The following STIM1 variants were observed in gnomAD, a reference collection of about 807,000 sequenced individuals.
STIM1 encodes stromal interaction molecule 1.
STIM1 carries 25 observed loss-of-function variants against 74.7 expected under a neutral mutation model. The ratio of observed to expected loss-of-function variants is 0.33; its 90% CI spans 0.24 to 0.47. The LOEUF (loss-of-function observed/expected upper bound fraction) is 0.47. Among genes scored for constraint, STIM1 ranks in the 20% least tolerant of loss-of-function variants. The pLI is 1.00. For synonymous variants in STIM1, 328 were observed against 348.8 expected (o/e 0.94, Z 0.66); for missense variants, 728 against 920.8 (o/e 0.79, Z 2.71).
intron 2 of STIM1, among the ~76,000 whole-genome samples, chr11:3,984,994 G>A (rs551416749): frequency 7.9e-5 from 12 of 152,264 alleles, no homozygotes; most frequent in South Asian, 4.1e-4. Flanking sequence ...CAGCCAGCAC[G>A]CAGGCAAGGG....
In STIM1 at chr11:3,857,382, C is replaced by T. The variant is rs1171109915; in HGVS notation, c.139+973C>T. ...TCCTCCTGCCTCAGCCTCCCGGTAGCTGGGACTAAACACAAGAGCCACTGG... is the reference window on the plus strand; with the variant it reads ...TCCTCCTGCCTCAGCCTCCCGGTAGTTGGGACTAAACACAAGAGCCACTGG... On this transcript the variant is annotated intron_variant, in intron 1 of 12. Coordinates refer to ENST00000526596, the MANE Select transcript of STIM1 (RefSeq NM_001382567.1). Among the ~76,000 whole-genome samples the T allele has an allele frequency of 3.3e-5, 5 of 151,980 alleles. No individual in the cohort carries two copies. In the East Asian group the frequency reaches 5.8e-4, roughly 18 times the overall value.
intron 1 of STIM1, among the ~76,000 whole-genome samples, chr11:3,956,962 T>A (rs112290189): frequency 6.6e-6 from 1 of 151,948 alleles, no homozygotes; most frequent in African/African-American, 2.4e-5. Flanking sequence ...TACGAGTCCC[T>A]TGGGATACTG....
chr11:3,967,929 A>T (rs2093355217), intron 2 of STIM1, among the ~76,000 whole-genome samples: 1 of 152,142 alleles, frequency 6.6e-6, no homozygotes, highest in African/African-American at 2.4e-5. Flanking sequence ...TAGTTGTGTA[A>T]CACTGACTAA....
chr11:4,081,183 C>T (rs1283080297), intron 7 of STIM1, among the ~76,000 whole-genome samples: 1 of 152,188 alleles, frequency 6.6e-6, no homozygotes, highest in Non-Finnish European at 1.5e-5. Context: ...AGACTGCTTT[C>T]AATGCATCTT....
intron 1 of STIM1, among the ~76,000 whole-genome samples, chr11:3,956,823 CAAAAAAAAAAAAAAAAAA>C (rs78285130): frequency 2.6e-5 from 1 of 38,152 alleles, no homozygotes; most frequent in Non-Finnish European, 5.5e-5. Context: ...ACCCTGTCTC[CAAAAAAAAAAAAAAAAAA>C]AAAAAAAAAA....
At position 4,072,246 on chromosome 11, in the gene STIM1, A is replaced by C. The variant is rs368614256; in HGVS notation, c.791+2043A>C. 4.6e-5 allele frequency among the ~76,000 whole-genome samples: 7 copies of C among 152,276 alleles called. No homozygotes were observed. The East Asian group carries it at 1.2e-3, about 25-fold the overall frequency. On this transcript the variant is annotated intron_variant, in intron 6 of 12. Coordinates refer to ENST00000526596, the MANE Select transcript of STIM1 (RefSeq NM_001382567.1). Reference sequence around the variant, plus strand: ...CCTAGAGATAGGCTTGCACACATGCACACATATATCCTCCTCTGAGTGTCC... The same window carrying C: ...CCTAGAGATAGGCTTGCACACATGCCCACATATATCCTCCTCTGAGTGTCC...
intron 1 of STIM1, among the ~76,000 whole-genome samples, chr11:3,905,653 T>C (rs1471282861): frequency 2.0e-5 from 3 of 152,358 alleles, no homozygotes; most frequent in South Asian, 2.1e-4. Context: ...ACATCTCTGA[T>C]GCTCACCACA....
At chr11:3,895,647 T>G (rs992547766) in intron 1 of STIM1, among the ~76,000 whole-genome samples, 1 of 9,978 alleles carries the variant, frequency 1.0e-4, no homozygotes, top group African/African-American at 2.6e-4. Flanking sequence ...TCTTTCTTTC[T>G]TTCTTTCTTT....
chr11:4,080,454 C>T (rs2094459191), intron 7 of STIM1, among the ~76,000 whole-genome samples: 1 of 147,332 alleles, frequency 6.8e-6, no homozygotes, highest in East Asian at 2.0e-4. Context: ...TTATTTCTCT[C>T]TTTAACCAAA....
At chr11:3,911,437 G>A (rs57599213) in intron 1 of STIM1, among the ~76,000 whole-genome samples, 1,920 of 152,142 alleles carry the variant, frequency 0.013, 37 homozygotes, top group African/African-American at 0.044. Context: ...TTTTGAGACA[G>A]GGTCTCACTC....
chr11:4,003,757 G>T (rs1308370607), intron 2 of STIM1, among the ~76,000 whole-genome samples: 1 of 152,192 alleles, frequency 6.6e-6, no homozygotes, highest in Non-Finnish European at 1.5e-5. Context: ...GCAGAAGAAA[G>T]AAATAAAGGG....
chr11:3,941,673 T>TATAGAGAGAGAGAGAGAGAG (rs141623520), intron 1 of STIM1, among the ~76,000 whole-genome samples: 1 of 90,730 alleles, frequency 1.1e-5, no homozygotes, highest in Non-Finnish European at 2.3e-5. Flanking sequence ...TATATATATA[T>TATAGAGAGAGAGAGAGAGAG]AGAGAGAGAG....
At chr11:4,048,242 C>T (rs1472662096) in intron 3 of STIM1, among the ~76,000 whole-genome samples, 3 of 152,190 alleles carry the variant, frequency 2.0e-5, no homozygotes, top group Non-Finnish European at 4.4e-5. Context: ...GGTTTTCAAA[C>T]TTGAAGAATG....
intron 1 of STIM1, among the ~76,000 whole-genome samples, chr11:3,884,707 G>C (rs2091638540): frequency 6.6e-6 from 1 of 151,948 alleles, no homozygotes; most frequent in Admixed American, 6.6e-5. Context: ...CAAGAAGCTT[G>C]GGAGGTGGAG....
chr11:3,957,351 G>A (rs2135697013), intron 1 of STIM1, among the ~76,000 whole-genome samples: 1 of 151,982 alleles, frequency 6.6e-6, no homozygotes, highest in African/African-American at 2.4e-5. Flanking sequence ...CTGCCTCCTG[G>A]TTTCAAGCCG....
chr11:4,081,668 A>G lies in STIM1; in HGVS notation c.970-516A>G, dbSNP rs147160068. Among the ~76,000 whole-genome samples the G allele has an allele frequency of 2.5e-3, 377 of 152,314 alleles. 1 individual carries two copies. Among genetic ancestry groups the G allele is most frequent in the African/African-American group, 8.1e-3 (338 of 41,562 alleles). On this transcript the variant is annotated intron_variant, in intron 7 of 12. Transcript: ENST00000526596. ...CCCTTCACTGATAGTTTGGATTTGCATGGGAGAAAGTCCTTCCTCACACTG... is the reference window on the plus strand; with the variant it reads ...CCCTTCACTGATAGTTTGGATTTGCGTGGGAGAAAGTCCTTCCTCACACTG...
intron 1 of STIM1, among the ~76,000 whole-genome samples, chr11:3,883,022 T>TG (rs2091574911): frequency 6.6e-6 from 1 of 152,220 alleles, no homozygotes; most frequent in Non-Finnish European, 1.5e-5. Flanking sequence ...GTTGTTTGTT[T>TG]TTTTGTTATT....
At chr11:4,051,592 C>T (rs2094242172) in intron 3 of STIM1, among the ~76,000 whole-genome samples, 1 of 152,048 alleles carries the variant, frequency 6.6e-6, no homozygotes, top group South Asian at 2.1e-4. Context: ...ATCCACCTGC[C>T]TTCGCCTCCC....
chr11:4,087,038 C>A (rs1471593554), intron 12 of STIM1, among the ~76,000 whole-genome samples: 3 of 152,164 alleles, frequency 2.0e-5, no homozygotes, highest in African/African-American at 4.8e-5. Flanking sequence ...ACTTTCTCCC[C>A]TTCTGTGTTT....
Sources: allele counts gnomAD v4.1 joint callset (sites outside exome capture counted in the v4.1 genomes callset), GRCh38; gene constraint gnomAD v4.1.1; transcripts MANE v1.5; gene names NCBI Gene and HGNC (gene_info 2026-07-23, HGNC 2026-07-21).